SEMA5A: variants seen among roughly 807,000 people sequenced by gnomAD.
SEMA5A encodes the protein semaphorin 5A.
A neutral mutation model predicts 135.5 loss-of-function variants in SEMA5A; 55 were observed. That is an observed-to-expected ratio of 0.41 (90% CI 0.33 to 0.51). The LOEUF (loss-of-function observed/expected upper bound fraction) is 0.51. SEMA5A is among the 20% of genes least tolerant of loss of function. The pLI is 0.37. For missense variants in SEMA5A, 1,290 were observed against 1,419.9 expected (o/e 0.91, Z 1.47); for synonymous variants, 580 against 546.5 (o/e 1.06, Z -0.85).
At chr5:9,182,309 G>T (rs56705339) in intron 11 of SEMA5A, among the ~76,000 whole-genome samples, 1 of 151,888 alleles carries the variant, frequency 6.6e-6, no homozygotes, top group Non-Finnish European at 1.5e-5. Context: ...AAAACATCAG[G>T]AGTCATTCTT....
intron 5 of SEMA5A, among the ~76,000 whole-genome samples, chr5:9,309,826 AAGTAG>A (rs1752040297): frequency 7.6e-6 from 1 of 131,188 alleles, no homozygotes; most frequent in African/African-American, 2.7e-5. Flanking sequence ...GTTATTTAAA[AAGTAG>A]AGTAAATATG....
At chr5:9,396,045 A>C (rs1422654733) in intron 2 of SEMA5A, among the ~76,000 whole-genome samples, 1 of 152,220 alleles carries the variant, frequency 6.6e-6, no homozygotes, top group Non-Finnish European at 1.5e-5. Flanking sequence ...TATTTAGTTT[A>C]GTAACTAATA....
At chr5:9,479,977 T>C (rs550091550) in intron 1 of SEMA5A, among the ~76,000 whole-genome samples, 59 of 152,226 alleles carry the variant, frequency 3.9e-4, no homozygotes, top group Non-Finnish European at 1.5e-5. Flanking sequence ...AGAAATCCTC[T>C]GATAAATGTT....
At chr5:9,341,981 GATTT>G (rs1179092398) in intron 3 of SEMA5A, among the ~76,000 whole-genome samples, 4 of 151,096 alleles carry the variant, frequency 2.6e-5, no homozygotes, top group African/African-American at 9.7e-5. Flanking sequence ...TTCAAGAAAC[GATTT>G]ATTTTATGAA....
At chr5:9,167,303 C>G (rs2150298779) in intron 11 of SEMA5A, among the ~76,000 whole-genome samples, 1 of 152,290 alleles carries the variant, frequency 6.6e-6, no homozygotes, top group Admixed American at 6.5e-5. Flanking sequence ...ACCTTCCTCT[C>G]TGGCTTCAAA....
At chr5:9,429,457 C>T (rs189288672) in intron 2 of SEMA5A, among the ~76,000 whole-genome samples, 30 of 152,244 alleles carry the variant, frequency 2.0e-4, no homozygotes, top group African/African-American at 6.3e-4. Context: ...CAGGGTAGAG[C>T]TTACATGAGA....
chr5:9,210,714 CA>C (rs1298471759), intron 8 of SEMA5A, among the ~76,000 whole-genome samples: 1 of 152,130 alleles, frequency 6.6e-6, no homozygotes, highest in Non-Finnish European at 1.5e-5. Context: ...TGGCCTGTGT[CA>C]GGGGGCAAGT....
intron 1 of SEMA5A, among the ~76,000 whole-genome samples, chr5:9,490,231 C>T (rs923449161): frequency 6.6e-6 from 1 of 151,894 alleles, no homozygotes; most frequent in African/African-American, 2.4e-5. Context: ...CTAAAACAGG[C>T]CCAATATGAA....
At chr5:9,172,371 T>G (rs1743973098) in intron 11 of SEMA5A, among the ~76,000 whole-genome samples, 1 of 152,204 alleles carries the variant, frequency 6.6e-6, no homozygotes, top group South Asian at 2.1e-4. Context: ...AAGGCATTTG[T>G]GGTTGAAACT....
chr5:9,498,787 T>C (rs1194104050), intron 1 of SEMA5A: 1 of 151,708 alleles, frequency 6.6e-6, no homozygotes, highest in African/African-American at 2.4e-5. Context: ...CAAGACTGCA[T>C]ACCTGGAATC....
At chr5:9,464,204 C>G (rs1292409566) in intron 1 of SEMA5A, among the ~76,000 whole-genome samples, 2 of 152,174 alleles carry the variant, frequency 1.3e-5, no homozygotes, top group Non-Finnish European at 2.9e-5. Flanking sequence ...TGATTAAAAG[C>G]CACTGTGTTA....
chr5:9,130,306 TA>T (rs544157940), intron 13 of SEMA5A, among the ~76,000 whole-genome samples: 3 of 151,760 alleles, frequency 2.0e-5, no homozygotes, highest in Admixed American at 6.6e-5. Context: ...TTTCAAAAAT[TA>T]AAAAAAAATC....
At chr5:9,392,323 A>T (rs1257593463) in intron 2 of SEMA5A, among the ~76,000 whole-genome samples, 6 of 152,228 alleles carry the variant, frequency 3.9e-5, no homozygotes, top group Non-Finnish European at 8.8e-5. Flanking sequence ...TAAAGGATCT[A>T]TAATTTTCAC....
At chr5:9,090,300 A>AAC (rs1738960646) in intron 16 of SEMA5A, among the ~76,000 whole-genome samples, 1 of 152,156 alleles carries the variant, frequency 6.6e-6, no homozygotes, top group Non-Finnish European at 1.5e-5. Context: ...CCATTTACCC[A>AAC]GTAACCAAGC....
At chr5:9,371,219 A>G (rs1755121706) in intron 3 of SEMA5A, among the ~76,000 whole-genome samples, 1 of 152,308 alleles carries the variant, frequency 6.6e-6, no homozygotes. Flanking sequence ...CAATCTTATA[A>G]ATTATTTAAT....
At chr5:9,148,479 G>A (rs923012329) in intron 12 of SEMA5A, among the ~76,000 whole-genome samples, 12 of 152,114 alleles carry the variant, frequency 7.9e-5, no homozygotes, top group Non-Finnish European at 1.3e-4. Flanking sequence ...CCTGGAACGC[G>A]GGAGGATTAT....
At chr5:9,439,544 C>T (rs867120034) in intron 1 of SEMA5A, among the ~76,000 whole-genome samples, 24 of 152,300 alleles carry the variant, frequency 1.6e-4, no homozygotes, top group Middle Eastern at 6.8e-3. Context: ...TAATAGGTCT[C>T]CTGCCTCCCC....
chr5:9,084,527 G>A (rs2150110420), intron 16 of SEMA5A, among the ~76,000 whole-genome samples: 1 of 152,230 alleles, frequency 6.6e-6, no homozygotes, highest in South Asian at 2.1e-4. Flanking sequence ...GAGATAAAAT[G>A]GTTTTAAAAA....
chr5:9,070,314 T>C (rs991813735), intron 16 of SEMA5A, among the ~76,000 whole-genome samples: 1 of 152,130 alleles, frequency 6.6e-6, no homozygotes, highest in African/African-American at 2.4e-5. Context: ...GAGGTTGCAG[T>C]GAGCCGACAT....
Sources: gnomAD v4.1 joint callset for allele counts (sites outside exome capture counted in the v4.1 genomes callset) on GRCh38, gnomAD v4.1.1 for gene constraint, MANE v1.5 for transcripts, NCBI Gene and HGNC (gene_info 2026-07-23, HGNC 2026-07-21) for gene names.